The following FRMD6 variants were observed in gnomAD, a reference collection of about 807,000 sequenced individuals.
FRMD6 encodes the protein FERM domain containing 6.
Under a neutral mutation model 73.2 loss-of-function variants are expected in FRMD6, and 37 were observed. That is an observed-to-expected ratio of 0.51 (90% CI 0.39 to 0.66). The LOEUF (loss-of-function observed/expected upper bound fraction) is 0.66. Among genes scored for constraint, FRMD6 ranks in the 30% least tolerant of loss-of-function variants. The probability of loss-of-function intolerance (pLI) is 0.00; values close to 1 mark genes in which losing one functional copy is unlikely to be tolerated. For synonymous variants in FRMD6, 273 were observed against 282.2 expected, an observed-to-expected ratio of 0.97 and a Z score of 0.33; for missense variants, 714 against 780.5, an observed-to-expected ratio of 0.91 and a Z score of 1.02.
At chr14:51,644,406 CT>C (rs1891968489) in intron 2 of FRMD6, among the ~76,000 whole-genome samples, 1 of 151,802 alleles carries the variant, frequency 6.6e-6, no homozygotes, top group African/African-American at 2.4e-5. Context: ...CTCTCTCTCT[CT>C]CTCTCTCCCT....
chr14:51,472,073 T>C, the FRMD6 span, among the ~76,000 whole-genome samples: 1 of 152,142 alleles, frequency 6.6e-6, no homozygotes, highest in Non-Finnish European at 1.5e-5. Context: ...TTCCAGCCTC[T>C]AGAACGGTTA....
intron 1 of FRMD6, among the ~76,000 whole-genome samples, chr14:51,490,616 T>TTGTGTGTGTGTG (rs58046471): frequency 0.38 from 56,554 of 147,932 alleles, 11,072 homozygotes; most frequent in East Asian, 0.54. Flanking sequence ...TGTGTGTATT[T>TTGTGTGTGTGTG]TGTGTGTGTG....
intron 1 of FRMD6, among the ~76,000 whole-genome samples, chr14:51,491,749 T>C (rs1398715997): frequency 6.6e-6 from 1 of 152,228 alleles, no homozygotes; most frequent in Non-Finnish European, 1.5e-5. Flanking sequence ...GACCACAGCC[T>C]GTGATGACAG....
intron 1 of FRMD6, among the ~76,000 whole-genome samples, chr14:51,500,901 C>A (rs1401469874): frequency 1.3e-5 from 2 of 152,106 alleles, no homozygotes. Context: ...TCAATGATCT[C>A]AAAAATGTTG....
At chr14:51,536,750 A>G (rs1392950587) in intron 1 of FRMD6, among the ~76,000 whole-genome samples, 1 of 152,224 alleles carries the variant, frequency 6.6e-6, no homozygotes. Context: ...TTTAGAAAAC[A>G]TCTTACTTTC....
chr14:51,588,026 T>C (rs1449262150), intron 2 of FRMD6, among the ~76,000 whole-genome samples: 1 of 151,962 alleles, frequency 6.6e-6, no homozygotes, highest in Non-Finnish European at 1.5e-5. Flanking sequence ...TTTCATTATG[T>C]TCTCTAGCAT....
chr14:51,556,641 G>T (rs960805254), intron 1 of FRMD6, among the ~76,000 whole-genome samples: 3 of 152,208 alleles, frequency 2.0e-5, no homozygotes, highest in Non-Finnish European at 2.9e-5. Flanking sequence ...CTGTTCCAAA[G>T]GAGATTTAGT....
the FRMD6 span, among the ~76,000 whole-genome samples, chr14:51,417,296 G>T: frequency 1.3e-5 from 2 of 152,162 alleles, no homozygotes; most frequent in African/African-American, 4.8e-5. Context: ...GGTACCGGTT[G>T]TTCCTTTCCA....
chr14:51,419,322 G>A, the FRMD6 span, among the ~76,000 whole-genome samples: 29 of 152,268 alleles, frequency 1.9e-4, no homozygotes, highest in Admixed American at 5.2e-4. Flanking sequence ...ACTAATTTTT[G>A]TATTTTTAAT....
the FRMD6 span, among the ~76,000 whole-genome samples, chr14:51,417,293 G>T: frequency 6.6e-6 from 1 of 152,162 alleles, no homozygotes; most frequent in South Asian, 2.1e-4. Flanking sequence ...GCTGGTACCG[G>T]TTGTTCCTTT....
the FRMD6 span, among the ~76,000 whole-genome samples, chr14:51,402,356 G>T: frequency 1.3e-5 from 2 of 152,238 alleles, no homozygotes; most frequent in South Asian, 2.1e-4. Flanking sequence ...TCATTCCCAC[G>T]TGTTGTAGAG....
the FRMD6 span, among the ~76,000 whole-genome samples, chr14:51,398,333 A>C: frequency 2.6e-4 from 39 of 152,072 alleles, no homozygotes. Flanking sequence ...GGCTGTATTC[A>C]TTTCGGTGCA....
the FRMD6 span, among the ~76,000 whole-genome samples, chr14:51,465,791 CT>C: frequency 3.7e-3 from 529 of 144,434 alleles, 3 homozygotes; most frequent in African/African-American, 0.011. Flanking sequence ...AACATGTTTT[CT>C]TTTTTTTTTT....
At chr14:51,620,777 CA>C (rs1890898977) in intron 2 of FRMD6, among the ~76,000 whole-genome samples, 1 of 152,198 alleles carries the variant, frequency 6.6e-6, no homozygotes, top group Non-Finnish European at 1.5e-5. Context: ...CTATGGGCCT[CA>C]GCTGTTTCCA....
chr14:51,725,725 G>A (rs1000437720), intron 12 of FRMD6, 54 bp from the exon 13 acceptor site: 2 of 1,249,202 alleles, frequency 1.6e-6, no homozygotes, highest in African/African-American at 3.0e-5. Flanking sequence ...TATATGGCAA[G>A]AGGTGTGAAT....
intron 1 of FRMD6, among the ~76,000 whole-genome samples, chr14:51,562,458 T>A (rs746831387): frequency 6.6e-6 from 1 of 152,196 alleles, no homozygotes; most frequent in Non-Finnish European, 1.5e-5. Flanking sequence ...GACACAGTTT[T>A]GTAAAAACTC....
At chr14:51,508,157 C>G (rs770483248) in intron 1 of FRMD6, among the ~76,000 whole-genome samples, 10 of 152,198 alleles carry the variant, frequency 6.6e-5, no homozygotes, top group Non-Finnish European at 1.0e-4. Flanking sequence ...CCAGCCTGTC[C>G]CGTGCTCGCA....
the FRMD6 span, among the ~76,000 whole-genome samples, chr14:51,432,829 A>G: frequency 4.6e-5 from 7 of 152,310 alleles, no homozygotes; most frequent in South Asian, 2.1e-4. Context: ...TAAGGTCTCC[A>G]TGGAGCTCAA....
chr14:51,617,033 C>T lies in FRMD6; in HGVS notation c.-147+46623C>T, dbSNP rs991125905. Among the ~76,000 whole-genome samples, 14 of 152,190 alleles carry T rather than the reference C, an allele frequency of 9.2e-5. No homozygotes were observed. The East Asian group carries it at 1.7e-3, about 19-fold the overall frequency. On this transcript the variant is annotated intron_variant, in intron 2 of 14. Transcript: ENST00000356218. ...TGGTTTAAGATGGGTATAGCTTTCC[C>T]GTTTGTCATACAAAGCTTCTATTAA...
Sources: gnomAD v4.1 joint callset for allele counts (sites outside exome capture counted in the v4.1 genomes callset) on GRCh38, gnomAD v4.1.1 for gene constraint, MANE v1.5 for transcripts, NCBI Gene and HGNC (gene_info 2026-07-23, HGNC 2026-07-21) for gene names.